ETV6: variants seen among roughly 807,000 people sequenced by gnomAD.
ETV6 encodes transcription factor ETV6.
ETV6 carries 16 observed loss-of-function variants against 51.1 expected under a neutral mutation model. The ratio of observed to expected loss-of-function variants is 0.31; its 90% CI spans 0.21 to 0.48. The LOEUF (loss-of-function observed/expected upper bound fraction) is 0.48, where lower values mean the gene tolerates loss of function less well. Ranked by LOEUF, ETV6 falls within the 20% of genes least tolerant of loss-of-function variation. The probability of loss-of-function intolerance (pLI) is 0.99; values close to 1 mark genes in which losing one functional copy is unlikely to be tolerated. For missense variants in ETV6, 458 were observed against 594.8 expected (o/e 0.77, Z 2.39); for synonymous variants, 240 against 224.1 (o/e 1.07, Z -0.64).
intron 2 of ETV6, 89 bp downstream of exon 2, chr12:11,752,668 C>A: frequency 1.3e-6 from 2 of 1,484,924 alleles, no homozygotes; most frequent in Non-Finnish European, 9.0e-7. Flanking sequence ...GAGGGGCAAG[C>A]TCTGAGGTGG....
intron 2 of ETV6, among the ~76,000 whole-genome samples, chr12:11,789,214 A>C (rs557328777): frequency 6.6e-6 from 1 of 151,974 alleles, no homozygotes; most frequent in South Asian, 2.1e-4. Context: ...TTGTATTTTT[A>C]GTAGAGACGG....
chr12:11,815,471 C>T (rs1945977894), intron 2 of ETV6, among the ~76,000 whole-genome samples: 1 of 152,210 alleles, frequency 6.6e-6, no homozygotes, highest in Non-Finnish European at 1.5e-5. Flanking sequence ...ATTAGACAAG[C>T]CCTGGAATGA....
chr12:11,665,184 T>C (rs1864172214), intron 1 of ETV6, among the ~76,000 whole-genome samples: 1 of 152,164 alleles, frequency 6.6e-6, no homozygotes, highest in South Asian at 2.1e-4. Context: ...ATTTTTGTAT[T>C]TTTAGTAGAG....
intron 3 of ETV6, among the ~76,000 whole-genome samples, chr12:11,847,880 G>T (rs1429949071): frequency 6.6e-6 from 1 of 152,196 alleles, no homozygotes; most frequent in Admixed American, 6.5e-5. Flanking sequence ...CTGCTTAAAA[G>T]CTAAAGGGAA....
intron 2 of ETV6, among the ~76,000 whole-genome samples, chr12:11,771,626 TC>T (rs1418455487): frequency 6.6e-6 from 1 of 152,118 alleles, no homozygotes; most frequent in Non-Finnish European, 1.5e-5. Context: ...AGAAAGTGGA[TC>T]CTCACAGCAA....
intron 2 of ETV6, among the ~76,000 whole-genome samples, chr12:11,754,664 G>A (rs1212114340): frequency 2.6e-5 from 4 of 152,300 alleles, no homozygotes; most frequent in Non-Finnish European, 4.4e-5. Flanking sequence ...CTCATCTGAG[G>A]CATCATTCTC....
chr12:11,845,863 G>A (rs1436342848), intron 3 of ETV6, among the ~76,000 whole-genome samples: 2 of 151,858 alleles, frequency 1.3e-5, no homozygotes, highest in East Asian at 1.9e-4. Context: ...GTGGTGGCAC[G>A]CACCTGTATT....
At chr12:11,837,017 G>A (rs1211097623) in intron 2 of ETV6, among the ~76,000 whole-genome samples, 1 of 152,154 alleles carries the variant, frequency 6.6e-6, no homozygotes, top group Non-Finnish European at 1.5e-5. Context: ...TGACAGTAAG[G>A]AGTTAGGTTT....
At position 11,891,884 on chromosome 12, in the gene ETV6, TGTGCTGCAGACAGATACATGCTA is replaced by T; in HGVS notation, c.*841_*863del. The T allele has an allele frequency of 3.3e-6, 1 of 300,654 alleles. No homozygotes were observed. The highest frequency in any genetic ancestry group is 6.4e-6 in the Non-Finnish European group (1 of 155,598). 18.6% of individuals were successfully genotyped at this position (300,654 alleles called of 1,614,324 possible). A position where few individuals can be genotyped will look rare whatever the true frequency, so the allele number is the denominator to read the frequency against. On this transcript the variant is annotated 3_prime_UTR_variant, in exon 8 of 8. Coordinates refer to ENST00000396373, the MANE Select transcript of ETV6 (RefSeq NM_001987.5). ...AGGCCAAAATCATCACAGATGCTGC[TGTGCTGCAGACAGATACATGCTA>T]GTCCAGAGAGCCGCCCCTGAGATGG...
chr12:11,827,752 G>C (rs1199175281), intron 2 of ETV6, among the ~76,000 whole-genome samples: 1 of 152,208 alleles, frequency 6.6e-6, no homozygotes. Flanking sequence ...AGTTCAGAAT[G>C]AGAATGAGTT....
chr12:11,735,687 G>A (rs1439761838), intron 1 of ETV6, among the ~76,000 whole-genome samples: 7 of 152,104 alleles, frequency 4.6e-5, no homozygotes, highest in Non-Finnish European at 1.0e-4. Context: ...CACAACCTCC[G>A]CCTCCCGGGT....
chr12:11,740,285 C>G (rs940411900), intron 1 of ETV6, among the ~76,000 whole-genome samples: 1 of 152,226 alleles, frequency 6.6e-6, no homozygotes, highest in African/African-American at 2.4e-5. Flanking sequence ...GCTCGTCTAG[C>G]TCTTGTTTCA....
intron 5 of ETV6, among the ~76,000 whole-genome samples, chr12:11,884,126 C>T (rs1302577522): frequency 1.3e-5 from 2 of 152,204 alleles, no homozygotes; most frequent in East Asian, 1.9e-4. Flanking sequence ...GAACTTGCCT[C>T]CCGTCTTTCA....
chr12:11,885,887 T>A (rs755407968), intron 6 of ETV6, 39 bp from the exon 7 acceptor site: 1 of 1,462,216 alleles, frequency 6.8e-7, no homozygotes. Context: ...TCATTGTGTC[T>A]TTGTGCTTTT....
rs186467570 is a variant in ETV6 at position 11,694,815 on chromosome 12, C to G, written c.33+44655C>G. 6.6e-5 allele frequency among the ~76,000 whole-genome samples: 10 copies of G among 152,240 alleles called. No individual in the cohort carries two copies. In the East Asian group the frequency reaches 1.7e-3, roughly 26 times the overall value. On this transcript the variant is annotated intron_variant, in intron 1 of 7. Coordinates refer to ENST00000396373, the MANE Select transcript of ETV6 (RefSeq NM_001987.5). Reference sequence around the variant, plus strand: ...GTGCTTGGAATAAGACGTTCTTTTCCCTCCCCGTGGAGATGCTATTTTTCC... The same window carrying G: ...GTGCTTGGAATAAGACGTTCTTTTCGCTCCCCGTGGAGATGCTATTTTTCC...
At chr12:11,815,368 AATAG>A (rs1162592828) in intron 2 of ETV6, among the ~76,000 whole-genome samples, 1 of 152,194 alleles carries the variant, frequency 6.6e-6, no homozygotes, top group Non-Finnish European at 1.5e-5. Flanking sequence ...ACCCTAATAG[AATAG>A]GATCACCCTG....
At position 11,891,418 on chromosome 12, in the gene ETV6, G is replaced by A; in HGVS notation, c.*372G>A. ...TTGACTCTTCATCGTTCATCTAGGG[G>A]AAGACATCTGATGTTGTTTTCCTAT... On this transcript the variant is annotated 3_prime_UTR_variant, in exon 8 of 8. Transcript: ENST00000396373. 2 of 349,076 alleles carry A rather than the reference G, an allele frequency of 5.7e-6. No homozygotes were observed. The highest frequency in any genetic ancestry group is 1.1e-5 in the Non-Finnish European group (2 of 188,098). 21.6% of individuals were successfully genotyped at this position (349,076 alleles called of 1,614,324 possible).
chr12:11,738,170 T>TTTGCTTGC lies in ETV6; in HGVS notation c.34-14257_34-14250dup, dbSNP rs760732066. Among the ~76,000 whole-genome samples, 46 of 151,844 alleles carry TTTGCTTGC rather than the reference T, an allele frequency of 3.0e-4. No individual in the cohort carries two copies. In the East Asian group the frequency reaches 6.4e-3, roughly 21 times the overall value. On this transcript the variant is annotated intron_variant, in intron 1 of 7. Coordinates refer to ENST00000396373, the MANE Select transcript of ETV6 (RefSeq NM_001987.5). ...TAGAAAGCCTATGCTGCTCTGCTAG[T>TTTGCTTGC]TTGCTTGCTTGCTTGCTTGCTTGCT...
chr12:11,662,865 A>C lies in ETV6; in HGVS notation c.33+12705A>C, dbSNP rs573802697. On this transcript the variant is annotated intron_variant, in intron 1 of 7. Transcript: ENST00000396373. The stretch of plus-strand genomic sequence containing the variant: ...CTAGGGTCTCATATTATGAGAGTGC[A>C]CTCCCTTTAATCTTTTGGGACCTCA... Among the ~76,000 whole-genome samples, 3 of 152,174 alleles carry C rather than the reference A, an allele frequency of 2.0e-5. No individual in the cohort carries two copies. The East Asian group carries it at 5.8e-4, about 29-fold the overall frequency.
Sources: gnomAD v4.1 joint callset for allele counts (sites outside exome capture counted in the v4.1 genomes callset) on GRCh38, gnomAD v4.1.1 for gene constraint, MANE v1.5 for transcripts, NCBI Gene and HGNC (gene_info 2026-07-23, HGNC 2026-07-21) for gene names.